TCF12: variants seen among roughly 807,000 people sequenced by gnomAD.
TCF12 encodes DNA-binding protein HTF4.
Under a neutral mutation model 86.0 loss-of-function variants are expected in TCF12, and 45 were observed. The observed-to-expected ratio is 0.52, with a 90% CI of 0.41 to 0.67. The LOEUF is 0.67. TCF12 is among the 30% of genes least tolerant of loss of function. The probability of loss-of-function intolerance (pLI) is 0.00; values close to 1 mark genes in which losing one functional copy is unlikely to be tolerated. For synonymous variants in TCF12, 330 were observed against 299.6 expected (o/e 1.10, Z -1.05); for missense variants, 881 against 859.9 (o/e 1.02, Z -0.31).
At chr15:56,950,504 G>A (rs1269805964) in intron 3 of TCF12, among the ~76,000 whole-genome samples, 2 of 151,796 alleles carry the variant, frequency 1.3e-5, no homozygotes, top group South Asian at 2.1e-4. Context: ...GGGATTACAG[G>A]CGTGAGCCAC....
At chr15:57,242,202 G>A (rs1566971922) in intron 12 of TCF12, among the ~76,000 whole-genome samples, 1 of 152,066 alleles carries the variant, frequency 6.6e-6, no homozygotes, top group South Asian at 2.1e-4. Flanking sequence ...ATTTCTACTG[G>A]ATGACTTTTT....
intron 5 of TCF12, among the ~76,000 whole-genome samples, chr15:57,117,453 A>G (rs1285229334): frequency 1.3e-5 from 2 of 152,220 alleles, no homozygotes; most frequent in African/African-American, 2.4e-5. Flanking sequence ...AATAGCCTCA[A>G]GAGTTGCTAT....
chr15:56,972,630 A>T (rs115441773), intron 3 of TCF12, among the ~76,000 whole-genome samples: 2 of 152,180 alleles, frequency 1.3e-5, no homozygotes, highest in Non-Finnish European at 2.9e-5. Flanking sequence ...AGACACAGTT[A>T]GTAGGTTTAG....
chr15:57,206,392 T>C (rs2057811592), intron 8 of TCF12, among the ~76,000 whole-genome samples: 1 of 152,104 alleles, frequency 6.6e-6, no homozygotes, highest in Non-Finnish European at 1.5e-5. Context: ...TGACAGACAC[T>C]TTATAAAACT....
chr15:57,160,096 A>G (rs1196840264), intron 5 of TCF12, among the ~76,000 whole-genome samples: 1 of 152,196 alleles, frequency 6.6e-6, no homozygotes, highest in East Asian at 1.9e-4. Flanking sequence ...TTGGGTGTTG[A>G]AGGCAGAGTG....
chr15:57,150,905 T>C (rs1010502044), intron 5 of TCF12, among the ~76,000 whole-genome samples: 86 of 132,014 alleles, frequency 6.5e-4, no homozygotes, highest in Non-Finnish European at 1.2e-3. Context: ...CTTCCTTCCT[T>C]CCTTCCTTCC....
At chr15:57,149,514 C>G (rs1157405375) in intron 5 of TCF12, among the ~76,000 whole-genome samples, 1 of 152,162 alleles carries the variant, frequency 6.6e-6, no homozygotes, top group Non-Finnish European at 1.5e-5. Context: ...TCAAATATGT[C>G]AGCAGACTTA....
chr15:57,028,878 A>G (rs2065978855), intron 3 of TCF12, among the ~76,000 whole-genome samples: 1 of 151,514 alleles, frequency 6.6e-6, no homozygotes, highest in Admixed American at 6.6e-5. Flanking sequence ...GGCTCACTGC[A>G]CCTTCTCCCT....
chr15:57,156,337 T>C (rs2054106191), intron 5 of TCF12, among the ~76,000 whole-genome samples: 1 of 152,204 alleles, frequency 6.6e-6, no homozygotes, highest in Admixed American at 6.5e-5. Context: ...CACTCTATTT[T>C]TTAGGTAAAA....
chr15:57,247,881 C>CA, intron 13 of TCF12: 2 of 761,460 alleles, frequency 2.6e-6, no homozygotes, highest in South Asian at 1.4e-5. Context: ...CCCCATTTCT[C>CA]AAAATGTCTC....
chr15:57,130,147 C>T (rs2051994125), intron 5 of TCF12, among the ~76,000 whole-genome samples: 1 of 152,154 alleles, frequency 6.6e-6, no homozygotes, highest in South Asian at 2.1e-4. Context: ...TACACTTTGA[C>T]CTCTCTAGGA....
chr15:57,192,993 T>G (rs2057063286), intron 7 of TCF12, among the ~76,000 whole-genome samples: 1 of 152,192 alleles, frequency 6.6e-6, no homozygotes, highest in African/African-American at 2.4e-5. Context: ...CTTCTTGTAA[T>G]TAGAATTTCA....
chr15:56,938,641 CT>C (rs11071300), intron 3 of TCF12, among the ~76,000 whole-genome samples: 39,807 of 127,076 alleles, frequency 0.31, 6,249 homozygotes, highest in African/African-American at 0.45. Flanking sequence ...TGGTCCGAGA[CT>C]TTTTTTTTTT....
intron 6 of TCF12, among the ~76,000 whole-genome samples, chr15:57,169,796 A>T (rs1457755933): frequency 6.6e-6 from 1 of 152,174 alleles, no homozygotes; most frequent in Non-Finnish European, 1.5e-5. Context: ...GTTTTCACTT[A>T]CGTATTTATA....
intron 18 of TCF12, among the ~76,000 whole-genome samples, chr15:57,269,682 A>G (rs2061039421): frequency 6.6e-6 from 1 of 152,122 alleles, no homozygotes; most frequent in Non-Finnish European, 1.5e-5. Flanking sequence ...ATGTTTTTGC[A>G]GTGGCTGGTA....
At chr15:57,077,516 T>C (rs1172120838) in intron 4 of TCF12, among the ~76,000 whole-genome samples, 2 of 151,948 alleles carry the variant, frequency 1.3e-5, no homozygotes, top group African/African-American at 4.8e-5. Flanking sequence ...ACTAAATGTT[T>C]CATAATTTTT....
intron 12 of TCF12, among the ~76,000 whole-genome samples, chr15:57,242,529 T>C (rs1289288120): frequency 6.6e-6 from 1 of 152,104 alleles, no homozygotes; most frequent in Non-Finnish European, 1.5e-5. Flanking sequence ...TAGCTCGGCA[T>C]GGTGGCATGC....
At chr15:57,079,184 T>A (rs2070402524) in intron 4 of TCF12, among the ~76,000 whole-genome samples, 1 of 152,244 alleles carries the variant, frequency 6.6e-6, no homozygotes, top group African/African-American at 2.4e-5. Context: ...CTGAAACTAT[T>A]CCAATAAAGT....
intron 3 of TCF12, among the ~76,000 whole-genome samples, chr15:56,948,515 TC>T (rs1341798098): frequency 3.3e-5 from 5 of 152,174 alleles, no homozygotes; most frequent in Non-Finnish European, 7.3e-5. Context: ...TATAAAACAG[TC>T]CTTTAAAAAC....
Sources: allele counts gnomAD v4.1 joint callset (sites outside exome capture counted in the v4.1 genomes callset), GRCh38; gene constraint gnomAD v4.1.1; transcripts MANE v1.5; gene names NCBI Gene and HGNC (gene_info 2026-07-23, HGNC 2026-07-21).